Variants in TMEM132D observed in about 807,000 individuals in gnomAD.
TMEM132D encodes transmembrane protein 132D, also known as mature OL transmembrane protein.
In TMEM132D, 21 loss-of-function variants were observed where a neutral mutation model predicts 62.3. That is an observed-to-expected ratio of 0.34 (90% CI 0.24 to 0.49). TMEM132D has a LOEUF of 0.49. Among genes scored for constraint, TMEM132D ranks in the 20% least tolerant of loss-of-function variants. The pLI, the probability that TMEM132D is intolerant of heterozygous loss-of-function variation, is 0.99. For missense variants in TMEM132D, 1,346 were observed against 1,402.8 expected (o/e 0.96, Z 0.65); for synonymous variants, 621 against 575.6 (o/e 1.08, Z -1.13).
chr12:129,331,303 G>A (rs1202705084), intron 4 of TMEM132D, among the ~76,000 whole-genome samples: 3 of 152,216 alleles, frequency 2.0e-5, no homozygotes, highest in African/African-American at 4.8e-5. Flanking sequence ...GGGTTTGGCA[G>A]ATGCGTCTGT....
chr12:129,076,723 AG>A (rs1321361656), intron 8 of TMEM132D, among the ~76,000 whole-genome samples: 6 of 152,234 alleles, frequency 3.9e-5, no homozygotes, highest in Non-Finnish European at 8.8e-5. Context: ...CCACTGTCAG[AG>A]CCAAGTTGCA....
At chr12:129,087,401 T>C (rs533806454) in intron 5 of TMEM132D, among the ~76,000 whole-genome samples, 1 of 151,574 alleles carries the variant, frequency 6.6e-6, no homozygotes, top group East Asian at 1.9e-4. Context: ...TGTTTCCAAA[T>C]CTTGGCTGTT....
At chr12:129,742,325 C>A (rs954975381) in intron 1 of TMEM132D, among the ~76,000 whole-genome samples, 8 of 152,122 alleles carry the variant, frequency 5.3e-5, no homozygotes, top group African/African-American at 1.2e-4. Context: ...GGAAGCTCTT[C>A]CTCATGGTGG....
chr12:129,874,700 CTTT>C lies in TMEM132D; in HGVS notation c.79+28558_79+28560del, dbSNP rs71085583. On this transcript the variant is annotated intron_variant, in intron 1 of 8. Transcript: ENST00000422113. Reference sequence around the variant, plus strand: ...AAGTAAAAATGTTTTTCACATTTTTCTTTTTTTTTTTTTTTTTTGAGATGGAGT... The same window carrying C: ...AAGTAAAAATGTTTTTCACATTTTTCTTTTTTTTTTTTTTTGAGATGGAGT... Among the ~76,000 whole-genome samples the C allele has an allele frequency of 2.6e-3, 306 of 117,898 alleles. 4 individuals carry two copies. Among genetic ancestry groups the C allele is most frequent in the African/African-American group, 8.8e-3 (275 of 31,308 alleles). The allele number at this position is 117,898 out of a possible 152,430, so 77.3% of individuals were successfully genotyped here. A position where few individuals can be genotyped will look rare whatever the true frequency, so the allele number is the denominator to read the frequency against.
intron 5 of TMEM132D, among the ~76,000 whole-genome samples, chr12:129,126,354 CTCTCTT>C (rs1876213478): frequency 7.3e-6 from 1 of 136,990 alleles, no homozygotes. Context: ...CTCAGTTTCT[CTCTCTT>C]TTTTTTTTTT....
At chr12:129,804,462 C>G (rs1002629535) in intron 1 of TMEM132D, among the ~76,000 whole-genome samples, 18 of 149,080 alleles carry the variant, frequency 1.2e-4, no homozygotes, top group Admixed American at 1.1e-3. Flanking sequence ...TCAATAGATG[C>G]AGAAAAGGCG....
chr12:129,219,720 TAAAC>T (rs759350603), intron 4 of TMEM132D, among the ~76,000 whole-genome samples: 1 of 152,230 alleles, frequency 6.6e-6, no homozygotes, highest in Non-Finnish European at 1.5e-5. Context: ...CATGTGCTTA[TAAAC>T]CTTGGAGAGG....
intron 3 of TMEM132D, among the ~76,000 whole-genome samples, chr12:129,508,498 T>C (rs1435719740): frequency 6.6e-6 from 1 of 152,148 alleles, no homozygotes; most frequent in Non-Finnish European, 1.5e-5. Context: ...TCCTCCTCCT[T>C]CTCGTTGCAA....
At chr12:129,209,303 C>T (rs1878953839) in intron 5 of TMEM132D, among the ~76,000 whole-genome samples, 2 of 152,194 alleles carry the variant, frequency 1.3e-5, no homozygotes, top group Admixed American at 6.5e-5. Context: ...GACAGCCTCC[C>T]AGACTCGGAG....
At chr12:129,165,425 T>C (rs974406858) in intron 5 of TMEM132D, among the ~76,000 whole-genome samples, 4 of 152,216 alleles carry the variant, frequency 2.6e-5, no homozygotes, top group African/African-American at 7.2e-5. Flanking sequence ...CAAGTGTTTA[T>C]ATATAAAGTG....
Position 129,343,423 on chromosome 12 carries a change from T to C in TMEM132D, c.1116-5606A>G, listed in dbSNP as rs150882459. ...GAGGAACATCACACACTGGGGACTG[T>C]TGTGGGGTGGGGGGATGGGGGAGGG... On this transcript the variant is annotated intron_variant, in intron 3 of 8. Transcript: ENST00000422113. Among the ~76,000 whole-genome samples, 634 of 150,698 alleles carry C rather than the reference T, an allele frequency of 4.2e-3. 4 individuals are homozygous for C. The highest frequency in any genetic ancestry group is 0.015 in the African/African-American group (607 of 40,946).
At chr12:129,426,340 G>T (rs148075247) in intron 3 of TMEM132D, among the ~76,000 whole-genome samples, 7 of 152,182 alleles carry the variant, frequency 4.6e-5, no homozygotes, top group Non-Finnish European at 5.9e-5. Flanking sequence ...TCCAGAAACC[G>T]CTGGGGAACT....
chr12:129,287,435 G>C (rs1435861491), intron 4 of TMEM132D, among the ~76,000 whole-genome samples: 1 of 152,210 alleles, frequency 6.6e-6, no homozygotes, highest in Non-Finnish European at 1.5e-5. Context: ...GCTAAAATTT[G>C]TGGGCAAAAT....
At chr12:129,511,665 C>T (rs751673393) in intron 3 of TMEM132D, among the ~76,000 whole-genome samples, 1 of 152,122 alleles carries the variant, frequency 6.6e-6, no homozygotes, top group South Asian at 2.1e-4. Context: ...AAATATGTTG[C>T]CCATTTTTTA....
intron 2 of TMEM132D, among the ~76,000 whole-genome samples, chr12:129,617,178 G>A (rs2137156454): frequency 1.3e-5 from 2 of 152,310 alleles, no homozygotes; most frequent in East Asian, 3.9e-4. Flanking sequence ...GGTGAGAACT[G>A]ATGGAGAAAA....
intron 2 of TMEM132D, among the ~76,000 whole-genome samples, chr12:129,547,945 T>G (rs1330876756): frequency 1.3e-5 from 2 of 152,084 alleles, no homozygotes; most frequent in African/African-American, 4.8e-5. Flanking sequence ...TGCTGTTACT[T>G]TTGGTCACTG....
At chr12:129,437,371 C>G (rs1052904826) in intron 3 of TMEM132D, among the ~76,000 whole-genome samples, 1 of 152,210 alleles carries the variant, frequency 6.6e-6, no homozygotes, top group Non-Finnish European at 1.5e-5. Flanking sequence ...TACACTTTGT[C>G]TGCTTAGAGC....
At chr12:129,722,739 TTTC>T (rs151285398) in intron 1 of TMEM132D, among the ~76,000 whole-genome samples, 62,425 of 123,900 alleles carry the variant, frequency 0.5, 13,551 homozygotes, top group East Asian at 0.57. Context: ...TTTTTCTTTT[TTTC>T]TTTTTTTTTT....
intron 5 of TMEM132D, among the ~76,000 whole-genome samples, chr12:129,182,154 G>T (rs1487814296): frequency 1.3e-5 from 2 of 152,122 alleles, no homozygotes; most frequent in African/African-American, 4.8e-5. Context: ...CTGGGGTCAG[G>T]AGTTCGAGAC....
Sources: gnomAD v4.1 joint callset for allele counts (sites outside exome capture counted in the v4.1 genomes callset) on GRCh38, gnomAD v4.1.1 for gene constraint, MANE v1.5 for transcripts, NCBI Gene and HGNC (gene_info 2026-07-23, HGNC 2026-07-21) for gene names.